The following FBXW7 variants were observed in gnomAD, a reference collection of about 807,000 sequenced individuals.
FBXW7 encodes the protein F-box/WD repeat-containing protein 7.
In FBXW7, 11 loss-of-function variants were observed where a neutral mutation model predicts 86.3. The observed-to-expected ratio is 0.13, with a 90% confidence interval of 0.08 to 0.21. The LOEUF (loss-of-function observed/expected upper bound fraction) is 0.21. FBXW7 is among the 10% of genes least tolerant of loss of function. The pLI is 1.00. For missense variants in FBXW7, 488 were observed against 847.4 expected, an observed-to-expected ratio of 0.58 and a Z score of 5.27; for synonymous variants, 313 against 297.9, an observed-to-expected ratio of 1.05 and a Z score of -0.52.
chr4:152,438,234 C>T (rs1464398423), intron 2 of FBXW7, among the ~76,000 whole-genome samples: 1 of 152,154 alleles, frequency 6.6e-6, no homozygotes, highest in Non-Finnish European at 1.5e-5. Context: ...AGACAGAATG[C>T]TATTGCATAC....
chr4:152,528,769 T>C (rs1379183210), intron 2 of FBXW7, among the ~76,000 whole-genome samples: 1 of 152,084 alleles, frequency 6.6e-6, no homozygotes, highest in African/African-American at 2.4e-5. Context: ...ACCAAGGAGG[T>C]ATCATCAGAA....
intron 2 of FBXW7, among the ~76,000 whole-genome samples, chr4:152,453,931 C>T (rs942237770): frequency 6.6e-5 from 10 of 152,112 alleles, no homozygotes; most frequent in South Asian, 2.1e-4. Context: ...ATTGCTTTAT[C>T]TATCTTTTAT....
At chr4:152,359,617 A>G (rs1026569916) in intron 4 of FBXW7, among the ~76,000 whole-genome samples, 3 of 151,034 alleles carry the variant, frequency 2.0e-5, no homozygotes, top group Non-Finnish European at 4.4e-5. Context: ...ACTACCAAAA[A>G]CAAAACAAAA....
At position 152,477,334 on chromosome 4, in the gene FBXW7, C is replaced by A. The variant is rs530526452; in HGVS notation, c.-120+57607G>T. 2.6e-5 allele frequency among the ~76,000 whole-genome samples: 4 copies of A among 152,228 alleles called. No individual in the cohort carries two copies. The East Asian group carries it at 7.7e-4, about 29-fold the overall frequency. ...CATTTGGAAAAGTATTAGCAGTCAT[C>A]GGACCTATCATCTCTTACCAGAGTG... On this transcript the variant is annotated intron_variant, in intron 2 of 13. Coordinates refer to ENST00000281708, the MANE Select transcript of FBXW7 (RefSeq NM_001349798.2).
intron 4 of FBXW7, among the ~76,000 whole-genome samples, chr4:152,392,423 C>T (rs142271774): frequency 6.6e-6 from 1 of 152,190 alleles, no homozygotes; most frequent in African/African-American, 2.4e-5. Flanking sequence ...GAAGCCCAAA[C>T]TAGCCCAGGT....
At chr4:152,395,408 C>T (rs901913394) in intron 4 of FBXW7, among the ~76,000 whole-genome samples, 5 of 151,970 alleles carry the variant, frequency 3.3e-5, no homozygotes, top group South Asian at 2.1e-4. Flanking sequence ...CTTCTCATGA[C>T]CTTGCCCTCA....
At chr4:152,507,982 C>G (rs1321655447) in intron 2 of FBXW7, among the ~76,000 whole-genome samples, 1 of 151,798 alleles carries the variant, frequency 6.6e-6, no homozygotes, top group African/African-American at 2.4e-5. Context: ...GCAGGGGGAT[C>G]ACTTGAGCCC....
At chr4:152,507,203 G>C (rs934378745) in intron 2 of FBXW7, among the ~76,000 whole-genome samples, 2 of 152,120 alleles carry the variant, frequency 1.3e-5, no homozygotes, top group Admixed American at 1.3e-4. Context: ...GATGGCAAAT[G>C]ACCCTCCCAC....
chr4:152,380,405 T>A (rs1040575113), intron 4 of FBXW7, among the ~76,000 whole-genome samples: 2 of 152,038 alleles, frequency 1.3e-5, no homozygotes, highest in Non-Finnish European at 2.9e-5. Flanking sequence ...AGTTATGCAA[T>A]AGTAAATTAT....
chr4:152,466,152 GAAACT>G (rs1240988025), intron 2 of FBXW7, among the ~76,000 whole-genome samples: 2 of 152,150 alleles, frequency 1.3e-5, no homozygotes, highest in African/African-American at 4.8e-5. Flanking sequence ...CATTTCTCCA[GAAACT>G]AAACTAGACA....
At chr4:152,439,228 C>T (rs960417954) in intron 2 of FBXW7, among the ~76,000 whole-genome samples, 3 of 151,836 alleles carry the variant, frequency 2.0e-5, no homozygotes, top group Admixed American at 1.3e-4. Flanking sequence ...ATTTTTCCCA[C>T]GTTAATTTTT....
chr4:152,379,989 T>C (rs1345825921), intron 4 of FBXW7, among the ~76,000 whole-genome samples: 1 of 152,168 alleles, frequency 6.6e-6, no homozygotes, highest in Admixed American at 6.6e-5. Flanking sequence ...TGACTCAGTA[T>C]CTATGATGAC....
intron 4 of FBXW7, among the ~76,000 whole-genome samples, chr4:152,406,392 G>C (rs1310676312): frequency 6.6e-6 from 1 of 151,954 alleles, no homozygotes; most frequent in Non-Finnish European, 1.5e-5. Context: ...AGGACAGCCT[G>C]GGAAACACAG....
chr4:152,496,570 G>T (rs929642814), intron 2 of FBXW7, among the ~76,000 whole-genome samples: 1 of 151,812 alleles, frequency 6.6e-6, no homozygotes, highest in Admixed American at 6.6e-5. Context: ...CCCAGCTACT[G>T]GGGAGGCTGA....
intron 4 of FBXW7, among the ~76,000 whole-genome samples, chr4:152,393,593 T>G (rs1299284697): frequency 6.6e-6 from 1 of 152,118 alleles, no homozygotes; most frequent in African/African-American, 2.4e-5. Flanking sequence ...AAACAATTCA[T>G]TCTAGAAAAT....
chr4:152,417,896 C>T lies in FBXW7; in HGVS notation c.-119-5367G>A, dbSNP rs563175625. Among the ~76,000 whole-genome samples the T allele has an allele frequency of 2.6e-5, 4 of 152,106 alleles. No individual in the cohort carries two copies. In the South Asian group the frequency reaches 6.2e-4, roughly 24 times the overall value. On this transcript the variant is annotated intron_variant, in intron 2 of 13. Transcript: ENST00000281708. ...GGCAGAAGTACTAGAATGGGGATTG[C>T]TCCAAAGGACAATAGGAGGGTAGTA...
At chr4:152,482,961 T>C (rs565686340) in intron 2 of FBXW7, among the ~76,000 whole-genome samples, 2 of 152,290 alleles carry the variant, frequency 1.3e-5, no homozygotes, top group East Asian at 3.9e-4. Context: ...TATAGTTTCA[T>C]GAATAATGTG....
chr4:152,510,040 TA>T (rs1412017264), intron 2 of FBXW7, among the ~76,000 whole-genome samples: 2 of 152,188 alleles, frequency 1.3e-5, no homozygotes, highest in East Asian at 3.8e-4. Flanking sequence ...AACACTTACC[TA>T]AATATAGCCA....
intron 4 of FBXW7, among the ~76,000 whole-genome samples, chr4:152,380,265 A>T (rs959515609): frequency 6.6e-6 from 1 of 151,978 alleles, no homozygotes. Flanking sequence ...TATCTTTAAA[A>T]TTTCTAATAA....
Sources: allele counts gnomAD v4.1 joint callset (sites outside exome capture counted in the v4.1 genomes callset), GRCh38; gene constraint gnomAD v4.1.1; transcripts MANE v1.5; gene names NCBI Gene and HGNC (gene_info 2026-07-23, HGNC 2026-07-21).